The following UPK1A variants were observed in gnomAD, a reference collection of about 807,000 sequenced individuals.
UPK1A encodes uroplakin-1a.
Under a neutral mutation model 32.3 loss-of-function variants are expected in UPK1A, and 31 were observed. The observed-to-expected ratio is 0.96, with a 90% CI of 0.72 to 1.30. The LOEUF is 1.30. Ranked by LOEUF, UPK1A falls within the 50% of genes most tolerant of loss-of-function variation. UPK1A has a pLI of 0.00. For missense variants in UPK1A, 340 were observed against 357.4 expected (o/e 0.95, Z 0.39); for synonymous variants, 135 against 137.1 (o/e 0.98, Z 0.11).
In UPK1A at chr19:35,677,603, C is replaced by T. The variant is rs144363898; in HGVS notation, c.649-209C>T. On this transcript the variant is annotated intron_variant, in intron 6 of 7. Transcript: ENST00000617999. The stretch of plus-strand genomic sequence containing the variant: ...TGTCATAGCCATCAGCAGGGCGGCA[C>T]CTACTTGTGCAGGGCCTGGGTTCAA... Among the ~76,000 whole-genome samples, 360 of 152,188 alleles carry T rather than the reference C, an allele frequency of 2.4e-3. 2 individuals carry two copies. The highest frequency in any genetic ancestry group is 8.2e-3 in the African/African-American group (339 of 41,524).
intron 2 of UPK1A, among the ~76,000 whole-genome samples, chr19:35,667,635 A>G (rs1374687860): frequency 6.6e-6 from 1 of 152,126 alleles, no homozygotes; most frequent in East Asian, 1.9e-4. Context: ...CTGGGATTAC[A>G]GGCACATGCT....
intron 3 of UPK1A, among the ~76,000 whole-genome samples, chr19:35,672,731 G>A (rs1968121822): frequency 6.6e-6 from 1 of 152,120 alleles, no homozygotes; most frequent in Non-Finnish European, 1.5e-5. Context: ...TAGTAACTAT[G>A]CTTAACTAAT....
At chr19:35,677,747 G>C (rs900014850) in intron 6 of UPK1A, 65 bp from the exon 7 acceptor site, 9 of 1,592,954 alleles carry the variant, frequency 5.6e-6, no homozygotes, top group Non-Finnish European at 7.7e-6. Context: ...GGCGCACAGT[G>C]ACTCTCGCTT....
intron 3 of UPK1A, among the ~76,000 whole-genome samples, chr19:35,669,018 G>T (rs1568346803): frequency 6.6e-6 from 1 of 151,932 alleles, no homozygotes; most frequent in Non-Finnish European, 1.5e-5. Context: ...CCTGCTAGCT[G>T]CTTTCCAGAG....
chr19:35,675,206 T>C (rs749067482), intron 5 of UPK1A, among the ~76,000 whole-genome samples: 1 of 152,180 alleles, frequency 6.6e-6, no homozygotes, highest in African/African-American at 2.4e-5. Flanking sequence ...CTGGATTCCT[T>C]ACCAAGGCCA....
At chr19:35,676,198 T>TCTTTC (rs576312064) in intron 6 of UPK1A, 179 bp downstream of exon 6, 234 of 818,420 alleles carry the variant, frequency 2.9e-4, no homozygotes, top group Admixed American at 6.0e-4. Flanking sequence ...TTTCTTTCTT[T>TCTTTC]TTTTTTTTTC....
intron 1 of UPK1A, 57 bp from the exon 2 acceptor site, chr19:35,666,752 T>G: frequency 6.4e-7 from 1 of 1,562,140 alleles, no homozygotes; most frequent in Non-Finnish European, 8.8e-7. Flanking sequence ...GGCTCAGAGA[T>G]GGGGGGTCCG....
intron 3 of UPK1A, among the ~76,000 whole-genome samples, chr19:35,671,480 C>T (rs1204707316): frequency 6.6e-5 from 7 of 106,574 alleles, no homozygotes; most frequent in Admixed American, 2.2e-4. Context: ...TTTTTTGAGA[C>T]GGAGTCTTGC....
intron 6 of UPK1A, 164 bp downstream of exon 6, chr19:35,676,183 CTTTCTTTCTTTCT>C: frequency 3.5e-6 from 3 of 862,214 alleles, no homozygotes; most frequent in East Asian, 5.4e-5. Flanking sequence ...TTCTTTCTTT[CTTTCTTTCTTTCT>C]TTTTTTTTTT....
intron 3 of UPK1A, among the ~76,000 whole-genome samples, chr19:35,668,875 G>C (rs1033909321): frequency 3.3e-5 from 5 of 151,018 alleles, no homozygotes; most frequent in African/African-American, 1.2e-4. Context: ...TAAAGATGGG[G>C]GTCTCACTAT....
At chr19:35,675,524 A>G (rs1040572853) in intron 5 of UPK1A, among the ~76,000 whole-genome samples, 5 of 152,164 alleles carry the variant, frequency 3.3e-5, no homozygotes, top group African/African-American at 1.2e-4. Flanking sequence ...CAGGTGATCC[A>G]TCCACCTCGG....
rs185751948 is a variant in UPK1A, at chr19:35,666,906, G to A, written c.84+10G>A. The A allele has an allele frequency of 3.5e-5, 56 of 1,613,824 alleles. No homozygotes were observed. The East Asian group carries it at 9.6e-4, about 28-fold the overall frequency. On this transcript the variant is annotated intron_variant, in intron 2 of 7. Coordinates refer to ENST00000617999, the Ensembl canonical transcript of UPK1A. ...CAATATCATTATTCTGGTGAGACTC[G>A]CCCCAGTGCTGGGAGCCGAGTGGTT...
intron 3 of UPK1A, among the ~76,000 whole-genome samples, chr19:35,670,159 A>C (rs1382179857): frequency 6.6e-6 from 1 of 152,224 alleles, no homozygotes; most frequent in Non-Finnish European, 1.5e-5. Flanking sequence ...AGGTGGCAGC[A>C]AGGGCAAAGG....
intron 3 of UPK1A, among the ~76,000 whole-genome samples, chr19:35,672,705 C>G (rs1395447481): frequency 6.6e-6 from 1 of 152,186 alleles, no homozygotes; most frequent in African/African-American, 2.4e-5. Flanking sequence ...ATAGCTAGGA[C>G]TAACACTACC....
rs369348109 is a variant in UPK1A at position 35,678,051 on chromosome 19, C to T, written c.*32C>T. 9.7e-6 allele frequency: 15 copies of T among 1,542,358 alleles called. No homozygotes were observed. The African/African-American group carries it at 1.8e-4, about 18-fold the overall frequency. ...GGAGGGGAAGGCAACATACACACCC[C>T]GGACTCCTCCGCATCCTCCTCCTGC... is the stretch of plus-strand genomic sequence containing the variant. On this transcript the variant is annotated 3_prime_UTR_variant, in exon 8 of 8. Transcript: ENST00000617999.
At position 35,675,865 on chromosome 19, in the gene UPK1A, C is replaced by T. The variant is rs563419319; in HGVS notation, c.494C>T (p.Pro165Leu). Residue 165 changes from proline (P) to leucine (L), a missense_variant, in exon 6 of 8, where the codon CCC (proline) becomes CTC (leucine). By Grantham distance (98) the Pro-to-Leu change is moderately conservative. Coordinates refer to ENST00000617999, the Ensembl canonical transcript of UPK1A. ...CAAGAATGCTGTGGCACATCTGGTC[C>T]CATGGACTGGGTGAACTTCACGTCA... 1.1e-5 allele frequency: 18 copies of T among 1,613,566 alleles called. 1 individual carries two copies. The South Asian group carries it at 2.0e-4, about 18-fold the overall frequency.
At chr19:35,672,356 G>A (rs1968114537) in intron 3 of UPK1A, among the ~76,000 whole-genome samples, 1 of 152,070 alleles carries the variant, frequency 6.6e-6, no homozygotes, top group African/African-American at 2.4e-5. Context: ...CTGCCTCCTG[G>A]GTTCAAGCTA....
chr19:35,676,050 A>G (rs750794047), intron 6 of UPK1A, 31 bp downstream of exon 6: 19 of 1,594,334 alleles, frequency 1.2e-5, no homozygotes, highest in South Asian at 5.6e-5. Flanking sequence ...CCATCTGTCT[A>G]TCCATCTGTC....
intron 3 of UPK1A, among the ~76,000 whole-genome samples, chr19:35,671,894 A>C (rs1160862625): frequency 1.3e-5 from 2 of 152,082 alleles, no homozygotes; most frequent in African/African-American, 4.8e-5. Context: ...CCCTTCTCTC[A>C]TACTTTTTCT....
Sources: gnomAD v4.1 joint callset for allele counts (sites outside exome capture counted in the v4.1 genomes callset) on GRCh38, gnomAD v4.1.1 for gene constraint, MANE v1.5 for transcripts, NCBI Gene and HGNC (gene_info 2026-07-23, HGNC 2026-07-21) for gene names.